ATAD3C: variants seen among roughly 807,000 people sequenced by gnomAD.
ATAD3C encodes ATPase family AAA domain containing 3C.
A neutral mutation model predicts 46.3 loss-of-function variants in ATAD3C; 38 were observed. The observed-to-expected ratio is 0.82, with a 90% CI of 0.63 to 1.08. The LOEUF (loss-of-function observed/expected upper bound fraction) is 1.08. Among genes scored for constraint, ATAD3C ranks in the 50% least tolerant of loss-of-function variants. The pLI is 0.00. For missense variants in ATAD3C, 563 were observed against 572.7 expected (o/e 0.98, Z 0.17); for synonymous variants, 220 against 236.4 (o/e 0.93, Z 0.63).
rs772209227 is a variant in ATAD3C at position 1,454,499 on chromosome 1, A to G, written c.377A>G (p.Gln126Arg). ...TVLEALRHPI[Q>R]QVSRRLLSRP... is the part of the protein sequence containing the mutation. ...CTTGAGGCGCTGCGGCACCCCATCC[A>G]GGTAGCGGCGCAGGCCTGGCCCTCC... The change falls in exon 4 of 12, where the codon CAG (glutamine) becomes CGG (arginine). Residue 126 changes from glutamine (Q) to arginine (R), a missense_variant and splice_region_variant. By Grantham distance (43) the Gln-to-Arg change is conservative (BLOSUM62 1). Transcript: ENST00000378785. 4.4e-6 allele frequency: 7 copies of G among 1,607,388 alleles called. No homozygotes were observed. In the African/African-American group the frequency reaches 8.1e-5, roughly 19 times the overall value.
At position 1,452,996 on chromosome 1, in the gene ATAD3C, C is replaced by A. The variant is rs1345144675; in HGVS notation, c.222+562C>A. Among the ~76,000 whole-genome samples the A allele has an allele frequency of 2.6e-5, 4 of 151,958 alleles. No individual in the cohort carries two copies. In the East Asian group the frequency reaches 7.7e-4, roughly 29 times the overall value. On this transcript the variant is annotated intron_variant, in intron 3 of 11. Coordinates refer to ENST00000378785, the MANE Select transcript of ATAD3C (RefSeq NM_001039211.3). The stretch of plus-strand genomic sequence containing the variant: ...GCCCCACGTCGCACATGGCTGTGTC[C>A]TCCGTCCCCCCACCCCGCCCAGCAC...
chr1:1,454,526 T>G, intron 4 of ATAD3C, 26 bp downstream of exon 4: 4 of 1,596,502 alleles, frequency 2.5e-6, no homozygotes, highest in Non-Finnish European at 3.4e-6. Flanking sequence ...TGGCCCTCCC[T>G]GAGTGCAAGT....
chr1:1,457,740 G>C (rs757101507), intron 8 of ATAD3C, among the ~76,000 whole-genome samples: 1 of 151,488 alleles, frequency 6.6e-6, no homozygotes, highest in African/African-American at 2.4e-5. Context: ...GTTCAGTGGC[G>C]TGATCTCGGC....
intron 10 of ATAD3C, among the ~76,000 whole-genome samples, chr1:1,461,344 C>T (rs1009073481): frequency 4.0e-5 from 6 of 149,992 alleles, no homozygotes; most frequent in Non-Finnish European, 8.8e-5. Flanking sequence ...CCCACGACCA[C>T]GTCTGGCTAC....
chr1:1,462,123 G>A lies in ATAD3C; in HGVS notation c.981-477G>A, dbSNP rs1449220699. ...ACGACAAAAGCTGCTCTGTTCCAAAGAGAGCCTGGTTCTCCCCTGCCGACC... is the reference window on the plus strand; with the variant it reads ...ACGACAAAAGCTGCTCTGTTCCAAAAAGAGCCTGGTTCTCCCCTGCCGACC... On this transcript the variant is annotated intron_variant, in intron 10 of 11. Transcript: ENST00000378785. The surrounding 1 kb of genome is among the most constrained non-coding windows in gnomAD (Gnocchi z 4.5). Among the ~76,000 whole-genome samples the A allele has an allele frequency of 6.6e-6, 1 of 152,028 alleles. No individual in the cohort carries two copies. The highest frequency in any genetic ancestry group is 1.5e-5 in the Non-Finnish European group (1 of 67,986).
chr1:1,460,915 G>T lies in ATAD3C; in HGVS notation c.978G>T (p.Lys326Asn), dbSNP rs1206644039. 12 of 1,605,984 alleles carry T rather than the reference G, an allele frequency of 7.5e-6. No homozygotes were observed. Among genetic ancestry groups the T allele is most frequent in the Non-Finnish European group, 1.0e-5 (12 of 1,175,472 alleles). The change falls in exon 10 of 12, where the codon AAG (lysine) becomes AAT (asparagine). Residue 326 changes from lysine to asparagine, a missense_variant and splice_region_variant. Physicochemically the swap from Lys to Asn is moderately conservative, Grantham distance 94. Transcript: ENST00000378785. Reference sequence around the variant, plus strand: ...TTCTTAAGCCGGCCACAGAAGGAAAGCGGTAAGTGTCCCGCCCCACCAGCC... The same window carrying T: ...TTCTTAAGCCGGCCACAGAAGGAAATCGGTAAGTGTCCCGCCCCACCAGCC... ...EYVLKPATEG[K>N]RRLKLAQFDY...
intron 1 of ATAD3C, among the ~76,000 whole-genome samples, chr1:1,451,725 C>A (rs1296321937): frequency 2.0e-5 from 3 of 152,016 alleles, no homozygotes; most frequent in Non-Finnish European, 4.4e-5. Flanking sequence ...GTTTAATTGG[C>A]AGAAGACAGA....
intron 9 of ATAD3C, among the ~76,000 whole-genome samples, chr1:1,460,031 C>T (rs956865415): frequency 3.2e-4 from 48 of 151,600 alleles, no homozygotes; most frequent in African/African-American, 9.7e-4. Flanking sequence ...CCAGTGAACC[C>T]GGGCCCCCGA....
Position 1,462,687 on chromosome 1 carries a change from A to T in ATAD3C, c.1068A>T (p.Ala356=). The T allele has an allele frequency of 6.2e-7, 1 of 1,604,848 alleles. No individual in the cohort carries two copies. The highest frequency in any genetic ancestry group is 1.1e-5 in the South Asian group (1 of 89,096). Residue 356 remains alanine (A), a synonymous_variant, in exon 11 of 12, where the codon GCA becomes GCT. Transcript: ENST00000378785. The surrounding 1 kb of genome is among the most constrained non-coding windows in gnomAD (Gnocchi z 4.5). ...LTEGMSCRKI[A]QLAVSWQATA... ...AGGGCATGTCATGCCGGAAGATCGC[A>T]CAGCTGGCCGTGTCCTGGCAGGTGA...
chr1:1,451,876 C>G (rs931250896), intron 1 of ATAD3C, among the ~76,000 whole-genome samples, 170 bp from the exon 2 acceptor site: 1 of 152,026 alleles, frequency 6.6e-6, no homozygotes, highest in Non-Finnish European at 1.5e-5. Flanking sequence ...CAGTGACTGC[C>G]GTCCCGGCCG....
rs147537982 is a variant in ATAD3C, at chr1:1,463,844, G to A, written c.1089+1136G>A. On this transcript the variant is annotated intron_variant, in intron 11 of 11. Transcript: ENST00000378785. ...GGAGGATCACTTGAGTCCAGGAGGC[G>A]GAGGCTGCAGTGAGCTGTGATTGTG... Among the ~76,000 whole-genome samples the A allele has an allele frequency of 2.4e-3, 369 of 151,944 alleles. 7 individuals carry two copies. The Middle Eastern group carries it at 0.041, about 17-fold the overall frequency.
chr1:1,456,767 C>A (rs935798041), intron 7 of ATAD3C, among the ~76,000 whole-genome samples: 4 of 150,882 alleles, frequency 2.7e-5, no homozygotes, highest in Non-Finnish European at 4.4e-5. Context: ...CCCACAGTGA[C>A]CCCGCGCAGG....
Position 1,460,553 on chromosome 1 carries a change from G to C in ATAD3C, c.813-197G>C, listed in dbSNP as rs538885175. On this transcript the variant is annotated intron_variant, in intron 9 of 11. Transcript: ENST00000378785. ...ACAGAGGCCCAGGAAGCCGGGCAGGGGGACAGCTGGGCGTGGTGGGGCAGG... is the reference window on the plus strand; with the variant it reads ...ACAGAGGCCCAGGAAGCCGGGCAGGCGGACAGCTGGGCGTGGTGGGGCAGG... Among the ~76,000 whole-genome samples the C allele has an allele frequency of 2.6e-5, 4 of 152,182 alleles. No individual in the cohort carries two copies. The South Asian group carries it at 8.3e-4, about 32-fold the overall frequency.
rs540232559 is a variant in ATAD3C, at chr1:1,461,565, G to A, written c.980+648G>A. Among the ~76,000 whole-genome samples the A allele has an allele frequency of 4.1e-4, 62 of 150,486 alleles. 1 individual carries two copies. The highest frequency in any genetic ancestry group is 7.5e-4 in the Non-Finnish European group (51 of 67,924). On this transcript the variant is annotated intron_variant, in intron 10 of 11. Transcript: ENST00000378785. ...GGCCACCCCCAGACCCTGGCAGTGA[G>A]GGGAGGTGACGTGGAGTGTTGCTCT... is the stretch of plus-strand genomic sequence containing the variant.
Position 1,451,914 on chromosome 1 carries a change from G to A in ATAD3C, c.76-132G>A, listed in dbSNP as rs376115555. On this transcript the variant is annotated intron_variant, in intron 1 of 11. Transcript: ENST00000378785. ...GTCACCCGTGTCTGTGTCAGGGTGC[G>A]GCGTCTGCAGGTCCCCAGGTGCCCG... 263 of 1,418,606 alleles carry A rather than the reference G, an allele frequency of 1.9e-4. No homozygotes were observed. In the African/African-American group the frequency reaches 2.9e-3, roughly 16 times the overall value. The allele number at this position is 1,418,606 out of a possible 1,614,324, so 87.9% of individuals were successfully genotyped here.
In ATAD3C at chr1:1,459,168, T is replaced by C. The variant is rs200778422; in HGVS notation, c.749T>C (p.Ile250Thr). The change falls in exon 9 of 12, where the codon ATA becomes ACA. Residue 250 changes from isoleucine to threonine, a missense_variant. Transcript: ENST00000378785. The surrounding 1 kb of genome is among the most constrained non-coding windows in gnomAD (Gnocchi z 4.9). ...GGAACCTTCTCTCTGCAGGAGAAGA[T>C]AAGCGAGGACCTCAGGGCCACACTG... is the stretch of plus-strand genomic sequence containing the variant. ...AFLRKRATEK[I>T]SEDLRATLNA... 168 of 1,611,886 alleles carry C rather than the reference T, an allele frequency of 1.0e-4. 2 individuals carry two copies. In the East Asian group the frequency reaches 3.4e-3, roughly 32 times the overall value.
chr1:1,456,121 AG>A, intron 6 of ATAD3C, 103 bp from the exon 7 acceptor site: 1 of 1,443,728 alleles, frequency 6.9e-7, no homozygotes, highest in Admixed American at 2.8e-5. Context: ...TGTGGCTTCC[AG>A]GCAGGGACGC....
intron 9 of ATAD3C, among the ~76,000 whole-genome samples, chr1:1,460,069 AT>A (rs746685483): frequency 0.04 from 4,947 of 124,216 alleles, 131 homozygotes; most frequent in African/African-American, 0.085. Context: ...GCGTGGCAGT[AT>A]TTTTTTTTTT....
rs896728497 is a variant in ATAD3C, at chr1:1,458,133, C to T, written c.741+953C>T. On this transcript the variant is annotated intron_variant, in intron 8 of 11. Transcript: ENST00000378785. ...AGCTGGGATTACAGGTGTGTGCCAC[C>T]ACATCCAGATAAGTTTTTTGTATTT... Among the ~76,000 whole-genome samples, 14 of 150,600 alleles carry T rather than the reference C, an allele frequency of 9.3e-5. 1 individual carries two copies. Among genetic ancestry groups the T allele is most frequent in the Non-Finnish European group, 2.1e-4 (14 of 67,712 alleles).
Sources: allele counts gnomAD v4.1 joint callset (sites outside exome capture counted in the v4.1 genomes callset), GRCh38; gene constraint gnomAD v4.1.1; non-coding constraint Gnocchi (gnomAD v3.1); transcripts MANE v1.5; gene names NCBI Gene and HGNC (gene_info 2026-07-23, HGNC 2026-07-21).